The following CEP128 variants were observed in gnomAD, a reference collection of about 807,000 sequenced individuals.
CEP128 encodes centrosomal protein 128.
In CEP128, 132 loss-of-function variants were observed where a neutral mutation model predicts 156.7. The observed-to-expected ratio is 0.84, with a 90% CI of 0.73 to 0.97. CEP128 has a LOEUF of 0.97. Among genes scored for constraint, CEP128 ranks in the 50% least tolerant of loss-of-function variants. The probability of loss-of-function intolerance (pLI) is 0.00; values close to 1 mark genes in which losing one functional copy is unlikely to be tolerated. For synonymous variants in CEP128, 469 were observed against 448.9 expected (o/e 1.04, Z -0.57); for missense variants, 1,252 against 1,281.9 (o/e 0.98, Z 0.36).
At chr14:80,520,011 T>C (rs1302022791) in intron 23 of CEP128, among the ~76,000 whole-genome samples, 2 of 152,214 alleles carry the variant, frequency 1.3e-5, no homozygotes, top group Non-Finnish European at 2.9e-5. Context: ...CTCTCAGCAC[T>C]AACATTTTAT....
rs1282377524 is a variant in CEP128 at position 80,904,922 on chromosome 14, T to C, written c.371A>G (p.His124Arg). 6 of 1,569,644 alleles carry C rather than the reference T, an allele frequency of 3.8e-6. No homozygotes were observed. In the East Asian group the frequency reaches 1.3e-4, roughly 35 times the overall value. ...LDGGTGSELH[H>R]FPPTSPLKDY... ...CTTGAGAGGTGAGGTAGGTGGAAAA[T>C]GATGGAGCTCTTCACAAGTGAAAGA... The change falls in exon 6 of 25, where the codon CAT becomes CGT. Residue 124 changes from histidine to arginine, a missense_variant. Physicochemically the swap from His to Arg is conservative, Grantham distance 29. Transcript: ENST00000555265.
chr14:80,794,099 C>T (rs1372321454), intron 13 of CEP128, among the ~76,000 whole-genome samples: 2 of 151,920 alleles, frequency 1.3e-5, no homozygotes, highest in Admixed American at 6.6e-5. Context: ...GTCATGTGTC[C>T]GAATAAGAAT....
chr14:80,837,586 G>A (rs1002618649), intron 11 of CEP128, among the ~76,000 whole-genome samples: 8 of 152,102 alleles, frequency 5.3e-5, no homozygotes, highest in African/African-American at 1.7e-4. Flanking sequence ...GTGTGGTGGC[G>A]CATGCCTGTA....
intron 19 of CEP128, among the ~76,000 whole-genome samples, chr14:80,678,514 C>T (rs538808873): frequency 3.2e-4 from 48 of 152,088 alleles, no homozygotes; most frequent in Non-Finnish European, 3.5e-4. Flanking sequence ...CAACTATGTG[C>T]GCTTTAATTC....
intron 23 of CEP128, among the ~76,000 whole-genome samples, chr14:80,513,526 TC>T (rs1418828924): frequency 3.9e-5 from 6 of 152,188 alleles, no homozygotes; most frequent in Admixed American, 6.5e-5. Context: ...TGGAAAGTTC[TC>T]TGTTATTATT....
chr14:80,761,882 T>C (rs971566305), intron 16 of CEP128, among the ~76,000 whole-genome samples: 2 of 152,008 alleles, frequency 1.3e-5, no homozygotes, highest in Non-Finnish European at 2.9e-5. Flanking sequence ...AAAAAAGAAG[T>C]AGAAAAAAGA....
rs942539263 is a variant in CEP128, at chr14:80,914,223, C to T, written c.234+99G>A. The T allele has an allele frequency of 8.6e-6, 7 of 810,884 alleles. No individual in the cohort carries two copies. In the African/African-American group the frequency reaches 1.2e-4, roughly 14 times the overall value. The allele number at this position is 810,884 out of a possible 1,614,324, so 50.2% of individuals were successfully genotyped here. Reference sequence around the variant, plus strand: ...AATCAGTTTAAAATCTAAAGCACTTCACAATGGTTTTTTCCTTTAGCTCAC... The same window carrying T: ...AATCAGTTTAAAATCTAAAGCACTTTACAATGGTTTTTTCCTTTAGCTCAC... On this transcript the variant is annotated intron_variant, in intron 4 of 24. Coordinates refer to ENST00000555265, the MANE Select transcript of CEP128 (RefSeq NM_152446.5).
chr14:80,671,781 A>C (rs890066523), intron 19 of CEP128, among the ~76,000 whole-genome samples: 1 of 135,538 alleles, frequency 7.4e-6, no homozygotes, highest in Non-Finnish European at 1.5e-5. Context: ...ATGTTGCTTT[A>C]TGGTTTACTG....
In CEP128 at chr14:80,749,143, C is replaced by T. The variant is rs541287411; in HGVS notation, c.2614-5876G>A. On this transcript the variant is annotated intron_variant, in intron 18 of 24. Coordinates refer to ENST00000555265, the MANE Select transcript of CEP128 (RefSeq NM_152446.5). ...CCAGGCAGTTCAGCACTGAGAGAAA[C>T]ACTGCGTTTGTTTTGAGGGAAAGTA... is the stretch of plus-strand genomic sequence containing the variant. Among the ~76,000 whole-genome samples the T allele has an allele frequency of 7.3e-4, 111 of 152,256 alleles. 6 individuals are homozygous for T. The South Asian group carries it at 0.022, about 30-fold the overall frequency.
chr14:80,632,979 T>C (rs1595122182), intron 19 of CEP128, among the ~76,000 whole-genome samples: 1 of 152,206 alleles, frequency 6.6e-6, no homozygotes, highest in East Asian at 1.9e-4. Flanking sequence ...TGTAATCCAG[T>C]ACTTCGGGAG....
At chr14:80,538,477 C>T (rs1016120266) in intron 21 of CEP128, among the ~76,000 whole-genome samples, 1 of 152,106 alleles carries the variant, frequency 6.6e-6, no homozygotes, top group Non-Finnish European at 1.5e-5. Flanking sequence ...CATCTTCAAG[C>T]ATACAGGAAA....
intron 13 of CEP128, among the ~76,000 whole-genome samples, chr14:80,794,072 A>C (rs1366422610): frequency 1.3e-5 from 2 of 152,196 alleles, no homozygotes; most frequent in East Asian, 3.8e-4. Context: ...TAGTGGCAAC[A>C]AAAGTAACAT....
intron 19 of CEP128, among the ~76,000 whole-genome samples, chr14:80,727,711 C>T (rs994600835): frequency 7.2e-5 from 11 of 152,036 alleles, no homozygotes; most frequent in Non-Finnish European, 1.2e-4. Context: ...GGGCAAAGGA[C>T]ATGAACAGAT....
intron 2 of CEP128, among the ~76,000 whole-genome samples, chr14:80,925,080 A>G (rs995593329): frequency 1.3e-5 from 2 of 152,210 alleles, no homozygotes; most frequent in African/African-American, 2.4e-5. Context: ...AGGAGAACAT[A>G]TGTTCTAAAT....
At chr14:80,540,199 C>CCCG (rs1555372601) in intron 21 of CEP128, among the ~76,000 whole-genome samples, 1 of 93,858 alleles carries the variant, frequency 1.1e-5, no homozygotes, top group Admixed American at 8.8e-5. Context: ...GTTCTTACAC[C>CCCG]CCCCCCCCTT....
chr14:80,881,815 A>T (rs147315345), intron 8 of CEP128, among the ~76,000 whole-genome samples: 2,255 of 152,276 alleles, frequency 0.015, 25 homozygotes, highest in Middle Eastern at 0.044. Context: ...AATGCAGGAC[A>T]AAACTATATA....
At chr14:80,904,732 T>C in intron 6 of CEP128, 81 bp downstream of exon 6, 1 of 838,618 alleles carries the variant, frequency 1.2e-6, no homozygotes, top group East Asian at 2.4e-5. Flanking sequence ...AATATAGCCT[T>C]AAAGTTCAAG....
At chr14:80,776,528 TAATA>T (rs1031725592) in intron 16 of CEP128, among the ~76,000 whole-genome samples, 2 of 147,878 alleles carry the variant, frequency 1.4e-5, no homozygotes, top group African/African-American at 4.9e-5. Context: ...CTCTATATAT[TAATA>T]TATATTAATT....
chr14:80,622,294 A>G (rs2140664319), intron 19 of CEP128, among the ~76,000 whole-genome samples: 1 of 152,316 alleles, frequency 6.6e-6, no homozygotes, highest in Non-Finnish European at 1.5e-5. Flanking sequence ...CTCCCCTGCC[A>G]GCCTCCTTTA....
Sources: gnomAD v4.1 joint callset for allele counts (sites outside exome capture counted in the v4.1 genomes callset) on GRCh38, gnomAD v4.1.1 for gene constraint, MANE v1.5 for transcripts, NCBI Gene and HGNC (gene_info 2026-07-23, HGNC 2026-07-21) for gene names.